The following GDAP1 variants were observed in gnomAD, a reference collection of about 807,000 sequenced individuals.
GDAP1 encodes ganglioside induced differentiation associated protein 1, also known as ganglioside-induced differentiation-associated protein 1.
In GDAP1, 34 loss-of-function variants were observed where a neutral mutation model predicts 40.1. The ratio of observed to expected loss-of-function variants is 0.85; its 90% CI spans 0.64 to 1.13. The LOEUF (loss-of-function observed/expected upper bound fraction) is 1.13. GDAP1 is among the 50% of genes most tolerant of loss of function. GDAP1 has a pLI of 0.00. For synonymous variants in GDAP1, 170 were observed against 157.4 expected (o/e 1.08, Z -0.60); for missense variants, 374 against 433.7 (o/e 0.86, Z 1.22).
intron 2 of GDAP1, among the ~76,000 whole-genome samples, chr8:74,398,211 A>G (rs532146157): frequency 6.6e-6 from 1 of 152,300 alleles, no homozygotes; most frequent in East Asian, 1.9e-4. Context: ...TTCATGTACC[A>G]TTATGTAATG....
At chr8:74,409,097 A>G (rs1805676332) in intron 2 of GDAP1, among the ~76,000 whole-genome samples, 1 of 149,970 alleles carries the variant, frequency 6.7e-6, no homozygotes, top group South Asian at 2.1e-4. Context: ...AAAGTGCTCT[A>G]TACGTGATTC....
chr8:74,479,695 T>C (rs1806682060), intron 2 of GDAP1, among the ~76,000 whole-genome samples: 1 of 152,136 alleles, frequency 6.6e-6, no homozygotes, highest in African/African-American at 2.4e-5. Context: ...CCTATGTGTG[T>C]AGCCAGCTGG....
intron 2 of GDAP1, among the ~76,000 whole-genome samples, chr8:74,427,473 A>G (rs1011527274): frequency 1.3e-5 from 2 of 152,220 alleles, no homozygotes; most frequent in Non-Finnish European, 1.5e-5. Context: ...TGGTGGATAC[A>G]TGAGTCTCAG....
chr8:74,381,164 C>G (rs186122317), intron 2 of GDAP1, among the ~76,000 whole-genome samples: 78 of 152,052 alleles, frequency 5.1e-4, no homozygotes, highest in African/African-American at 1.9e-3. Flanking sequence ...TTATTTATAT[C>G]AATAATACCT....
chr8:74,437,944 GT>G (rs1203495834), intron 2 of GDAP1, among the ~76,000 whole-genome samples: 2 of 152,122 alleles, frequency 1.3e-5, no homozygotes, highest in African/African-American at 4.8e-5. Context: ...TTGTCCACAT[GT>G]ATGAGAATTT....
At chr8:74,467,059 G>T (rs1341272489) in intron 2 of GDAP1, among the ~76,000 whole-genome samples, 1 of 152,174 alleles carries the variant, frequency 6.6e-6, no homozygotes, top group Admixed American at 6.5e-5. Context: ...AGGATATGGG[G>T]ATTAATGAAG....
chr8:74,413,410 A>T (rs1301027108), intron 2 of GDAP1, among the ~76,000 whole-genome samples: 5 of 149,862 alleles, frequency 3.3e-5, no homozygotes, highest in African/African-American at 1.3e-4. Flanking sequence ...CCCAAAGTGG[A>T]TATCAGTGGG....
At chr8:74,416,710 A>G (rs1805783618) in intron 2 of GDAP1, among the ~76,000 whole-genome samples, 1 of 149,718 alleles carries the variant, frequency 6.7e-6, no homozygotes, top group Non-Finnish European at 1.5e-5. Flanking sequence ...GACATTCCTT[A>G]GCACCAGCCT....
intron 2 of GDAP1, among the ~76,000 whole-genome samples, chr8:74,423,251 TA>T (rs1349139010): frequency 6.8e-6 from 1 of 147,312 alleles, no homozygotes; most frequent in East Asian, 1.9e-4. Flanking sequence ...ATACTATATA[TA>T]ATAGTATATG....
intron 2 of GDAP1, among the ~76,000 whole-genome samples, chr8:74,439,962 G>C (rs555159596): frequency 2.6e-5 from 4 of 151,954 alleles, no homozygotes; most frequent in African/African-American, 9.6e-5. Flanking sequence ...TTTTGTAAGT[G>C]ATATTTATTT....
chr8:74,353,425 A>T (rs1340630796), intron 2 of GDAP1, among the ~76,000 whole-genome samples: 1 of 152,240 alleles, frequency 6.6e-6, no homozygotes, highest in Non-Finnish European at 1.5e-5. Flanking sequence ...AGAGAACAAT[A>T]GTTTATATAA....
chr8:74,437,613 T>C (rs1447100169), intron 2 of GDAP1, among the ~76,000 whole-genome samples: 2 of 152,204 alleles, frequency 1.3e-5, no homozygotes, highest in African/African-American at 4.8e-5. Flanking sequence ...TATGTTTTCA[T>C]TCATATATCT....
intron 2 of GDAP1, among the ~76,000 whole-genome samples, chr8:74,427,134 T>C (rs560334455): frequency 6.6e-6 from 1 of 152,342 alleles, no homozygotes; most frequent in South Asian, 2.1e-4. Context: ...CCTCCTGGAA[T>C]GCTGTTGCCT....
rs6984716 is a variant in GDAP1 at position 74,360,469 on chromosome 8, C to T, written c.484+159C>T. ...GTTATGGATCGATCCATGAACCAGTCGGATTAATCTGTGCTTCACTTGCTC... is the reference window on the plus strand; with the variant it reads ...GTTATGGATCGATCCATGAACCAGTTGGATTAATCTGTGCTTCACTTGCTC... On this transcript the variant is annotated intron_variant, in intron 3 of 5. Transcript: ENST00000220822. Among the ~76,000 whole-genome samples the T allele has an allele frequency of 2.2e-3, 332 of 152,272 alleles. 1 individual carries two copies. Among genetic ancestry groups the T allele is most frequent in the African/African-American group, 7.7e-3 (321 of 41,542 alleles).
At chr8:74,464,990 C>A (rs1057275278) in intron 2 of GDAP1, among the ~76,000 whole-genome samples, 2 of 152,010 alleles carry the variant, frequency 1.3e-5, no homozygotes, top group Admixed American at 6.6e-5. Context: ...GAGGCCAAGG[C>A]GGGTAGATTG....
In GDAP1 at chr8:74,364,698, C is replaced by T. The variant is rs1052033443; in HGVS notation, c.*331C>T. 4.4e-4 allele frequency: 212 copies of T among 483,626 alleles called. 4 individuals carry two copies. In the Admixed American group the frequency reaches 4.9e-3, roughly 11 times the overall value. The allele number at this position is 483,626 out of a possible 1,614,324, so 30.0% of individuals were successfully genotyped here. A position where few individuals can be genotyped will look rare whatever the true frequency, so the allele number is the denominator to read the frequency against. The stretch of plus-strand genomic sequence containing the variant: ...CTGCCTGTCTCATTGGTAAACCTCA[C>T]ATTTAGTTACTTGTGGCTACTGCCC... On this transcript the variant is annotated 3_prime_UTR_variant, in exon 6 of 6. Transcript: ENST00000220822.
intron 2 of GDAP1, among the ~76,000 whole-genome samples, chr8:74,387,258 C>T (rs995871812): frequency 6.6e-6 from 1 of 152,154 alleles, no homozygotes; most frequent in Non-Finnish European, 1.5e-5. Context: ...TGTCTTGTGC[C>T]GGTTTTCAAA....
intron 2 of GDAP1, among the ~76,000 whole-genome samples, chr8:74,373,974 T>C (rs556401049): frequency 6.6e-6 from 1 of 152,362 alleles, no homozygotes; most frequent in Admixed American, 6.5e-5. Flanking sequence ...GAAGGGTTGT[T>C]GAATTTTGTC....
intron 2 of GDAP1, among the ~76,000 whole-genome samples, chr8:74,423,242 TA>T (rs1464907486): frequency 6.8e-6 from 1 of 147,316 alleles, no homozygotes; most frequent in Non-Finnish European, 1.5e-5. Flanking sequence ...ATGATATGTA[TA>T]CTATATATAA....
Sources: gnomAD v4.1 joint callset for allele counts (sites outside exome capture counted in the v4.1 genomes callset) on GRCh38, gnomAD v4.1.1 for gene constraint, MANE v1.5 for transcripts, NCBI Gene and HGNC (gene_info 2026-07-23, HGNC 2026-07-21) for gene names.